The following CFAP53 variants were observed in gnomAD, a reference collection of about 807,000 sequenced individuals.
CFAP53 encodes cilia and flagella associated protein 53.
A neutral mutation model predicts 59.7 loss-of-function variants in CFAP53; 62 were observed. The ratio of observed to expected loss-of-function variants is 1.04; its 90% CI spans 0.85 to 1.28. The LOEUF (loss-of-function observed/expected upper bound fraction) is 1.28, where lower values mean the gene tolerates loss of function less well. Among genes scored for constraint, CFAP53 ranks in the 50% most tolerant of loss-of-function variants. The pLI is 0.00. For synonymous variants in CFAP53, 218 were observed against 205.7 expected, an observed-to-expected ratio of 1.06 and a Z score of -0.51; for missense variants, 629 against 615.6, an observed-to-expected ratio of 1.02 and a Z score of -0.23.
chr18:50,250,311 G>A (rs2144421606), intron 5 of CFAP53, among the ~76,000 whole-genome samples: 1 of 151,218 alleles, frequency 6.6e-6, no homozygotes, highest in East Asian at 1.9e-4. Context: ...ACAAGAAAAA[G>A]CACTTGTGGG....
intron 3 of CFAP53, among the ~76,000 whole-genome samples, chr18:50,252,155 G>T (rs554213104): frequency 6.6e-6 from 1 of 151,602 alleles, no homozygotes; most frequent in African/African-American, 2.4e-5. Flanking sequence ...CCAGGCTGGC[G>T]TGCGGTGGCA....
At chr18:50,266,255 G>A (rs1033035589) in intron 1 of CFAP53, 81 bp downstream of exon 1, 2 of 1,381,696 alleles carry the variant, frequency 1.4e-6, no homozygotes, top group African/African-American at 2.8e-5. Context: ...CCCGGGTGGG[G>A]GCCGAAGTGG....
At chr18:50,249,980 TA>T (rs2144421056) in intron 5 of CFAP53, among the ~76,000 whole-genome samples, 1 of 152,226 alleles carries the variant, frequency 6.6e-6, no homozygotes, top group South Asian at 2.1e-4. Flanking sequence ...CCCAGCACTT[TA>T]GGAGGCTGAG....
Position 50,251,735 on chromosome 18 carries a change from T to C in CFAP53, c.523A>G (p.Lys175Glu). Residue 175 changes from lysine to glutamate, a missense_variant, in exon 4 of 8, where the codon AAG (lysine) becomes GAG (glutamate). By Grantham distance (56) the Lys-to-Glu change is moderately conservative (BLOSUM62 1). Transcript: ENST00000398545. The part of the protein sequence containing the change: ...RVELLSIHQK[K>E]VCEERKAQIA... ...TGTGCTTTCCGCTCCTCACACACCT[T>C]CTTCTGATGGATAGATAACAATTCA... The C allele has an allele frequency of 6.2e-7, 1 of 1,614,184 alleles. No individual in the cohort carries two copies. The highest frequency in any genetic ancestry group is 8.5e-7 in the Non-Finnish European group (1 of 1,180,032).
Position 50,250,759 on chromosome 18 carries a change from C to A in CFAP53, c.995G>T (p.Arg332Ile). The A allele has an allele frequency of 6.2e-7, 1 of 1,613,238 alleles. No homozygotes were observed. The highest frequency in any genetic ancestry group is 1.7e-5 in the Admixed American group (1 of 59,984). ...GCAGGCACCAAAAAAATGTCTTACT[C>A]TTTTTTGTTTCTTTTTATCTGCCTC... The part of the protein sequence containing the change: ...QEEADKKKQK[R>I]EDMIREQKIY... Residue 332 changes from arginine (R) to isoleucine (I), a missense_variant and splice_region_variant, in exon 5 of 8, where the codon AGA (arginine) becomes ATA (isoleucine). Arg to Ile is a moderately conservative substitution (Grantham distance 97). Coordinates refer to ENST00000398545, the MANE Select transcript of CFAP53 (RefSeq NM_145020.5).
In CFAP53 at chr18:50,232,802, G is replaced by A. The variant is rs562615009; in HGVS notation, c.1317-5193C>T. 4.6e-5 allele frequency among the ~76,000 whole-genome samples: 7 copies of A among 152,342 alleles called. No homozygotes were observed. The East Asian group carries it at 1.3e-3, about 29-fold the overall frequency. ...GATAAACAAAAGTGGCAGGGGTACT[G>A]ACCTTGCACTGTGCAGTGGCTGGAA... On this transcript the variant is annotated intron_variant, in intron 7 of 7. Transcript: ENST00000398545.
chr18:50,256,890 T>C (rs2033851069), intron 3 of CFAP53, among the ~76,000 whole-genome samples: 2 of 150,324 alleles, frequency 1.3e-5, no homozygotes, highest in African/African-American at 4.9e-5. Context: ...CTCAGGTATT[T>C]TTGGATCATC....
At chr18:50,241,779 A>G (rs1339261668) in intron 6 of CFAP53, among the ~76,000 whole-genome samples, 2 of 152,030 alleles carry the variant, frequency 1.3e-5, no homozygotes, top group Non-Finnish European at 2.9e-5. Flanking sequence ...GAGAAGGCAA[A>G]ATTAGAATTA....
At chr18:50,259,513 A>AT in intron 3 of CFAP53, among the ~76,000 whole-genome samples, 1 of 151,846 alleles carries the variant, frequency 6.6e-6, no homozygotes, top group Non-Finnish European at 1.5e-5. Context: ...AAAAAAAAAA[A>AT]GAATGAATGA....
intron 2 of CFAP53, 94 bp downstream of exon 2, chr18:50,261,896 A>T: frequency 1.1e-6 from 1 of 915,238 alleles, no homozygotes; most frequent in Non-Finnish European, 1.8e-6. Flanking sequence ...CATCTCAGCC[A>T]TGATCCTTGC....
At chr18:50,232,941 A>G (rs2033596451) in intron 7 of CFAP53, among the ~76,000 whole-genome samples, 1 of 152,194 alleles carries the variant, frequency 6.6e-6, no homozygotes, top group Non-Finnish European at 1.5e-5. Context: ...GACAGTTTCT[A>G]ACATCCTAAC....
intron 3 of CFAP53, among the ~76,000 whole-genome samples, chr18:50,258,906 T>C (rs1331641917): frequency 1.3e-5 from 2 of 152,236 alleles, no homozygotes; most frequent in Non-Finnish European, 2.9e-5. Flanking sequence ...TACAGTGAGA[T>C]ATCATTTCAC....
rs1245600103 is a variant in CFAP53 at position 50,227,536 on chromosome 18, C to A, written c.1390G>T (p.Ala464Ser). ...TCTCGGCGTTTCTCTTCCTTCTCTG[C>A]TTCTTGGGACTGCTGCTGGTAGGCG... is the stretch of plus-strand genomic sequence containing the variant. ...QIAYQQQSQE[A>S]EKEEKRREFE... Residue 464 changes from alanine to serine, a missense_variant, in exon 8 of 8, where the codon GCA becomes TCA. By Grantham distance (99) the Ala-to-Ser change is moderately conservative (BLOSUM62 1). Coordinates refer to ENST00000398545, the MANE Select transcript of CFAP53 (RefSeq NM_145020.5). 1 of 1,614,178 alleles carries A rather than the reference C, an allele frequency of 6.2e-7. No homozygotes were observed. Among genetic ancestry groups the A allele is most frequent in the Non-Finnish European group, 8.5e-7 (1 of 1,180,032 alleles).
chr18:50,232,390 A>G (rs1355196889), intron 7 of CFAP53, among the ~76,000 whole-genome samples: 1 of 152,272 alleles, frequency 6.6e-6, no homozygotes, highest in Non-Finnish European at 1.5e-5. Flanking sequence ...GCTAAGAAGA[A>G]AGAAAAATGC....
At chr18:50,240,527 C>T (rs1346451750) in intron 6 of CFAP53, among the ~76,000 whole-genome samples, 2 of 152,190 alleles carry the variant, frequency 1.3e-5, no homozygotes, top group African/African-American at 4.8e-5. Flanking sequence ...ACTTCTTCCC[C>T]TCCCTTGCCC....
intron 7 of CFAP53, among the ~76,000 whole-genome samples, chr18:50,235,944 T>C (rs932695944): frequency 4.6e-5 from 7 of 152,188 alleles, no homozygotes; most frequent in African/African-American, 1.7e-4. Flanking sequence ...TGTTGCTCTG[T>C]TGGGGGAAAT....
intron 1 of CFAP53, among the ~76,000 whole-genome samples, chr18:50,264,022 C>A (rs913176961): frequency 6.6e-6 from 1 of 152,190 alleles, no homozygotes; most frequent in African/African-American, 2.4e-5. Flanking sequence ...TAATGCAAAA[C>A]AGATATGTAA....
At chr18:50,243,964 A>C (rs1345470472) in intron 5 of CFAP53, among the ~76,000 whole-genome samples, 2 of 151,750 alleles carry the variant, frequency 1.3e-5, no homozygotes, top group Non-Finnish European at 2.9e-5. Flanking sequence ...AAAAAAAAAA[A>C]CAAAAACAAA....
At position 50,262,115 on chromosome 18, in the gene CFAP53, C is replaced by G; in HGVS notation, c.174G>C (p.Glu58Asp). ...NAILASIKSS[E>D]RDRLKAEWDQ... ...CCCACTCAGCTTTCAAGCGATCCCG[C>G]TCACTTGACTTAATGGAAGCCAAAA... The change falls in exon 2 of 8, where the codon GAG (glutamate) becomes GAC (aspartate). Residue 58 changes from glutamate to aspartate, a missense_variant. Coordinates refer to ENST00000398545, the MANE Select transcript of CFAP53 (RefSeq NM_145020.5). 1 of 1,614,210 alleles carries G rather than the reference C, an allele frequency of 6.2e-7. No homozygotes were observed. Among genetic ancestry groups the G allele is most frequent in the Non-Finnish European group, 8.5e-7 (1 of 1,180,026 alleles).
Sources: gnomAD v4.1 joint callset for allele counts (sites outside exome capture counted in the v4.1 genomes callset) on GRCh38, gnomAD v4.1.1 for gene constraint, MANE v1.5 for transcripts, NCBI Gene and HGNC (gene_info 2026-07-23, HGNC 2026-07-21) for gene names.